CIITA: variants seen among roughly 807,000 people sequenced by gnomAD.
CIITA encodes MHC class II transactivator.
A neutral mutation model predicts 115.1 loss-of-function variants in CIITA; 72 were observed. That is an observed-to-expected ratio of 0.63 (90% CI 0.52 to 0.76). The LOEUF (loss-of-function observed/expected upper bound fraction) is 0.76. Ranked by LOEUF, CIITA falls within the 30% of genes least tolerant of loss-of-function variation. The pLI is 0.00. For missense variants in CIITA, 1,617 were observed against 1,463.8 expected (o/e 1.10, Z -1.71); for synonymous variants, 763 against 635.6 (o/e 1.20, Z -3.02).
chr16:10,893,804 T>TAAAAAAAAAAAAAAAA lies in CIITA; in HGVS notation c.53-1463_53-1448dup, dbSNP rs71136603. Among the ~76,000 whole-genome samples, 9 of 32,170 alleles carry TAAAAAAAAAAAAAAAA rather than the reference T, an allele frequency of 2.8e-4. 1 individual carries two copies. The highest frequency in any genetic ancestry group is 6.2e-4 in the Admixed American group (1 of 1,618). 21.1% of individuals were successfully genotyped at this position (32,170 alleles called of 152,430 possible). ...AGCCTGGGTGACAGAGACTCCGTCT[T>TAAAAAAAAAAAAAAAA]AAAAAAAAAAAAAAAAAAAAAAAAA... On this transcript the variant is annotated intron_variant, in intron 1 of 19. Coordinates refer to ENST00000324288, the MANE Select transcript of CIITA (RefSeq NM_000246.4).
rs1253572660 is a variant in CIITA at position 10,920,641 on chromosome 16, G to A, written c.3150-1526G>A. On this transcript the variant is annotated intron_variant, in intron 16 of 19. Coordinates refer to ENST00000324288, the MANE Select transcript of CIITA (RefSeq NM_000246.4). The surrounding 1 kb of genome is among the most constrained non-coding windows in gnomAD (Gnocchi z 4.5). ...GAGGCCAAAATGCAAACTGTGACACGCTATTGGTTATAAGACACATCCTGA... is the reference window on the plus strand; with the variant it reads ...GAGGCCAAAATGCAAACTGTGACACACTATTGGTTATAAGACACATCCTGA... 1.3e-5 allele frequency among the ~76,000 whole-genome samples: 2 copies of A among 152,164 alleles called. No homozygotes were observed. Among genetic ancestry groups the A allele is most frequent in the South Asian group, 2.1e-4 (1 of 4,826 alleles).
chr16:10,886,813 A>G (rs1184677148), intron 1 of CIITA, among the ~76,000 whole-genome samples: 1 of 152,238 alleles, frequency 6.6e-6, no homozygotes, highest in East Asian at 1.9e-4. Flanking sequence ...TAACATTTGC[A>G]AAGTCACACA....
At chr16:10,888,357 G>A (rs1037146937) in intron 1 of CIITA, 1 of 152,204 alleles carries the variant, frequency 6.6e-6, no homozygotes, top group Non-Finnish European at 1.5e-5. Flanking sequence ...CCTGAAAGTT[G>A]GGAAATTTCA....
At position 10,907,853 on chromosome 16, in the gene CIITA, G is replaced by C; in HGVS notation, c.2361G>C (p.Lys787Asn). Residue 787 changes from lysine to asparagine, a missense_variant, in exon 11 of 20, where the codon AAG becomes AAC. Coordinates refer to ENST00000324288, the MANE Select transcript of CIITA (RefSeq NM_000246.4). The surrounding 1 kb of genome is among the most constrained non-coding windows in gnomAD (Gnocchi z 5.0). ...SAAASVDRKQ[K>N]VLARYLKRLQ... ...CTGCCTCGGTGGACAGGAAGCAGAA[G>C]GTGCTTGCGAGGTACCTGAAGCGGC... 1 of 1,612,046 alleles carries C rather than the reference G, an allele frequency of 6.2e-7. No individual in the cohort carries two copies. The highest frequency in any genetic ancestry group is 8.5e-7 in the Non-Finnish European group (1 of 1,178,854).
chr16:10,913,911 A>G (rs907813439), intron 13 of CIITA, among the ~76,000 whole-genome samples: 34 of 149,286 alleles, frequency 2.3e-4, no homozygotes, highest in Non-Finnish European at 3.4e-4. Flanking sequence ...ACTGCAGTCC[A>G]GCTTGGATGA....
At position 10,923,190 on chromosome 16, in the gene CIITA, T is replaced by C; in HGVS notation, c.3318-38T>C. 1 of 1,600,186 alleles carries C rather than the reference T, an allele frequency of 6.2e-7. No homozygotes were observed. The highest frequency in any genetic ancestry group is 8.5e-7 in the Non-Finnish European group (1 of 1,170,764). On this transcript the variant is annotated intron_variant, in intron 18 of 19. Coordinates refer to ENST00000324288, the MANE Select transcript of CIITA (RefSeq NM_000246.4). The surrounding 1 kb of genome is among the most constrained non-coding windows in gnomAD (Gnocchi z 5.2). ...CACTGGGGCCCCAGGCCGCCCTCTC[T>C]CCTCTAACCTGGCTCTGAGTCCCAT... is the stretch of plus-strand genomic sequence containing the variant.
In CIITA at chr16:10,923,331, C is replaced by T; in HGVS notation, c.*22+6C>T. The T allele has an allele frequency of 1.3e-6, 2 of 1,583,712 alleles. No individual in the cohort carries two copies. The highest frequency in any genetic ancestry group is 1.7e-6 in the Non-Finnish European group (2 of 1,153,812). On this transcript the variant is annotated splice_donor_region_variant and intron_variant, in intron 19 of 19. Transcript: ENST00000324288. This position sits in a 1 kb window ranked among gnomAD's most constrained non-coding sequence, Gnocchi z 5.2. ...CCAGCTGTGCTCTGGACAGGGTAAC[C>T]AGGGTGGGCTTGGGAGGGGAGAGCC... is the stretch of plus-strand genomic sequence containing the variant.
intron 1 of CIITA, among the ~76,000 whole-genome samples, chr16:10,894,749 T>C (rs1472399821): frequency 6.6e-6 from 1 of 152,212 alleles, no homozygotes; most frequent in Non-Finnish European, 1.5e-5. Context: ...CAGTAGAGCA[T>C]TGTGGTTAAA....
chr16:10,894,006 T>C (rs984075869), intron 1 of CIITA, among the ~76,000 whole-genome samples: 4 of 151,734 alleles, frequency 2.6e-5, no homozygotes, highest in African/African-American at 4.9e-5. Context: ...CAACCACTAA[T>C]ATGCTTTCTT....
intron 1 of CIITA, among the ~76,000 whole-genome samples, chr16:10,892,664 G>A (rs892329289): frequency 3.3e-5 from 5 of 152,232 alleles, no homozygotes; most frequent in African/African-American, 1.2e-4. Flanking sequence ...TGGGTGCAGT[G>A]GCTCATGCCT....
At chr16:10,895,951 G>A (rs970272126) in intron 3 of CIITA, among the ~76,000 whole-genome samples, 187 bp downstream of exon 3, 1 of 151,952 alleles carries the variant, frequency 6.6e-6, no homozygotes, top group African/African-American at 2.4e-5. Flanking sequence ...GGAGGCCAGT[G>A]GGGGAAATAG....
chr16:10,891,272 C>A (rs1352899305), intron 1 of CIITA, among the ~76,000 whole-genome samples: 3 of 130,000 alleles, frequency 2.3e-5, no homozygotes, highest in Admixed American at 1.5e-4. Flanking sequence ...GGAGTCTTGG[C>A]AGGGGGAGTG....
At chr16:10,917,997 G>A (rs1213732980) in intron 15 of CIITA, among the ~76,000 whole-genome samples, 2 of 151,944 alleles carry the variant, frequency 1.3e-5, no homozygotes, top group Non-Finnish European at 2.9e-5. Context: ...TTTCTTACCC[G>A]CCACCCCACT....
chr16:10,939,399 C>G (rs549842380), downstream of CIITA: 1 of 152,288 alleles, frequency 6.6e-6, no homozygotes. This position sits in a 1 kb window ranked among gnomAD's most constrained non-coding sequence, Gnocchi z 4.9. Flanking sequence ...TGGCTTTCCA[C>G]TGCTCTTGGC....
Position 10,941,480 on chromosome 16 carries a change from G to T in CIITA, n.606G>T. 1 of 1,274,550 alleles carries T rather than the reference G, an allele frequency of 7.8e-7. No individual in the cohort carries two copies. Among genetic ancestry groups the T allele is most frequent in the Non-Finnish European group, 1.0e-6 (1 of 984,434 alleles). The allele number at this position is 1,274,550 out of a possible 1,614,324, so 79.0% of individuals were successfully genotyped here. On this transcript the variant is annotated non_coding_transcript_exon_variant, in exon 2 of 2. Coordinates refer to the CIITA transcript ENST00000573379. The surrounding 1 kb of genome is among the most constrained non-coding windows in gnomAD (Gnocchi z 6.4). The stretch of plus-strand genomic sequence containing the variant: ...GGAGGTGAACGGAGGAGAAGCCTGA[G>T]GGAGGGGTGTGTATCCGGCCTGGGA...
intron 5 of CIITA, among the ~76,000 whole-genome samples, chr16:10,899,255 A>G (rs1342265493): frequency 6.6e-6 from 1 of 152,114 alleles, no homozygotes; most frequent in African/African-American, 2.4e-5. Context: ...ACTATGAGAC[A>G]CCACACTTCA....
intron 1 of CIITA, among the ~76,000 whole-genome samples, chr16:10,894,769 T>G (rs1268175395): frequency 6.6e-6 from 1 of 152,198 alleles, no homozygotes; most frequent in Non-Finnish European, 1.5e-5. Flanking sequence ...ATGCAGGACT[T>G]CAGTCAGACT....
chr16:10,929,385 C>G lies in CIITA; in HGVS notation c.*5530C>G. 1 of 985,858 alleles carries G rather than the reference C, an allele frequency of 1.0e-6. No homozygotes were observed. The highest frequency in any genetic ancestry group is 1.2e-6 in the Non-Finnish European group (1 of 829,918). 61.1% of individuals were successfully genotyped at this position (985,858 alleles called of 1,614,324 possible). On this transcript the variant is annotated 3_prime_UTR_variant, in exon 20 of 20. Coordinates refer to ENST00000324288, the MANE Select transcript of CIITA (RefSeq NM_000246.4). This position sits in a 1 kb window ranked among gnomAD's most constrained non-coding sequence, Gnocchi z 4.3. Reference sequence around the variant, plus strand: ...GCTGCAAATAATCAGAAGCCAAGGCCAGGCCATCGATTTGACACTGCAGGC... The same window carrying G: ...GCTGCAAATAATCAGAAGCCAAGGCGAGGCCATCGATTTGACACTGCAGGC...
Position 10,907,046 on chromosome 16 carries a change from AC to A in CIITA, c.1556del (p.Pro519ArgfsTer39). The A allele has an allele frequency of 6.2e-7, 1 of 1,607,354 alleles. No homozygotes were observed. Among genetic ancestry groups the A allele is most frequent in the Non-Finnish European group, 8.5e-7 (1 of 1,179,946 alleles). ...GFLHSTCGPA[P>X]AEPCSLRGLL... ...TCCTGCACAGCACGTGCGGACCGGCACCGGCGGAGCCCTGCTCCCTCCGGGG... is the reference window on the plus strand; with the variant it reads ...TCCTGCACAGCACGTGCGGACCGGCACGGCGGAGCCCTGCTCCCTCCGGGG... On this transcript the variant is annotated frameshift_variant, in exon 11 of 20. Transcript: ENST00000324288. LOFTEE classifies it high-confidence loss of function. This position sits in a 1 kb window ranked among gnomAD's most constrained non-coding sequence, Gnocchi z 5.0.
Sources: allele counts gnomAD v4.1 joint callset (sites outside exome capture counted in the v4.1 genomes callset), GRCh38; gene constraint gnomAD v4.1.1; non-coding constraint Gnocchi (gnomAD v3.1); transcripts MANE v1.5; gene names NCBI Gene and HGNC (gene_info 2026-07-23, HGNC 2026-07-21).